The following SHQ1 variants were observed in gnomAD, a reference collection of about 807,000 sequenced individuals.
The protein encoded by SHQ1 is SHQ1, H/ACA ribonucleoprotein assembly factor.
Under a neutral mutation model 53.8 loss-of-function variants are expected in SHQ1, and 49 were observed. The ratio of observed to expected loss-of-function variants is 0.91; its 90% CI spans 0.72 to 1.16. The LOEUF is 1.16. Ranked by LOEUF, SHQ1 falls within the 50% of genes most tolerant of loss-of-function variation. SHQ1 has a pLI of 0.00. For missense variants in SHQ1, 738 were observed against 683.1 expected (o/e 1.08, Z -0.90); for synonymous variants, 243 against 251.0 (o/e 0.97, Z 0.30).
chr3:72,802,239 C>T (rs747494548), intron 9 of SHQ1, among the ~76,000 whole-genome samples: 1 of 152,212 alleles, frequency 6.6e-6, no homozygotes, highest in Admixed American at 6.5e-5. Flanking sequence ...CCTTCCTCCT[C>T]GGTGCCGTGG....
rs1203046617 is a variant in SHQ1, at chr3:72,749,471, C to T, written c.*813G>A. The T allele has an allele frequency of 9.3e-6, 2 of 215,908 alleles. No homozygotes were observed. The highest frequency in any genetic ancestry group is 1.9e-5 in the Non-Finnish European group (2 of 107,260). The allele number at this position is 215,908 out of a possible 1,614,324, so 13.4% of individuals were successfully genotyped here. A position where few individuals can be genotyped will look rare whatever the true frequency, so the allele number is the denominator to read the frequency against. ...AAATAACTATACTGAGTAAAATATG[C>T]CTGACCAAAAAAGGGATACATATTG... On this transcript the variant is annotated 3_prime_UTR_variant, in exon 11 of 11. Transcript: ENST00000325599.
At chr3:72,847,404 CG>C (rs1277187110) in intron 1 of SHQ1, among the ~76,000 whole-genome samples, 1 of 152,048 alleles carries the variant, frequency 6.6e-6, no homozygotes, top group Non-Finnish European at 1.5e-5. Flanking sequence ...TATGTAGCAG[CG>C]GGTTCTGTGG....
At chr3:72,765,530 C>CATACATATATATATATATATATAT (rs1705702242) in intron 10 of SHQ1, among the ~76,000 whole-genome samples, 1 of 83,510 alleles carries the variant, frequency 1.2e-5, no homozygotes, top group African/African-American at 6.2e-5. Flanking sequence ...ATTCACATGA[C>CATACATATATATATATATATATAT]ATATATATAT....
chr3:72,745,363 T>C (rs1026627564), downstream of SHQ1, among the ~76,000 whole-genome samples: 3 of 152,170 alleles, frequency 2.0e-5, no homozygotes, highest in African/African-American at 7.2e-5. Flanking sequence ...TGAAAGGTGA[T>C]ACCAGCTTAG....
At chr3:72,815,482 C>G in intron 7 of SHQ1, 79 bp from the exon 8 acceptor site, 1 of 1,084,914 alleles carries the variant, frequency 9.2e-7, no homozygotes, top group Non-Finnish European at 1.4e-6. Flanking sequence ...TCCATTTATT[C>G]AACCAGTGTC....
chr3:72,841,264 G>C, intron 3 of SHQ1, 65 bp from the exon 4 acceptor site: 1 of 1,306,566 alleles, frequency 7.7e-7, no homozygotes, highest in Non-Finnish European at 1.0e-6. Context: ...GGAAGAAAAA[G>C]TATAGGAAAA....
chr3:72,747,020 T>C (rs1705271105), downstream of SHQ1, among the ~76,000 whole-genome samples: 1 of 152,198 alleles, frequency 6.6e-6, no homozygotes, highest in Non-Finnish European at 1.5e-5. Flanking sequence ...TTAAGTGCCG[T>C]AGTCACCCCA....
chr3:72,764,228 G>C (rs1395419074), intron 10 of SHQ1, among the ~76,000 whole-genome samples: 1 of 152,114 alleles, frequency 6.6e-6, no homozygotes, highest in East Asian at 1.9e-4. Flanking sequence ...AAGTAGAAGA[G>C]GTGGAGTGCA....
chr3:72,764,795 T>C (rs762034984), intron 10 of SHQ1, among the ~76,000 whole-genome samples: 40 of 151,826 alleles, frequency 2.6e-4, no homozygotes, highest in Non-Finnish European at 4.7e-4. Flanking sequence ...CCCCAAAGAG[T>C]TCTGACTATG....
At chr3:72,775,415 T>C (rs186673568) in intron 10 of SHQ1, among the ~76,000 whole-genome samples, 2 of 146,666 alleles carry the variant, frequency 1.4e-5, no homozygotes, top group East Asian at 4.0e-4. Context: ...AAAATCTGAA[T>C]AAATAGTTAA....
intron 10 of SHQ1, among the ~76,000 whole-genome samples, chr3:72,762,831 C>T (rs1377542256): frequency 6.6e-6 from 1 of 151,912 alleles, no homozygotes; most frequent in Admixed American, 6.6e-5. Flanking sequence ...CGCACCACCA[C>T]GCCTGGCTAA....
intron 1 of SHQ1, among the ~76,000 whole-genome samples, chr3:72,847,946 A>G (rs897763848): frequency 6.6e-6 from 1 of 152,180 alleles, no homozygotes; most frequent in African/African-American, 2.4e-5. Flanking sequence ...ACACGGTCCA[A>G]ACGTCACTTT....
At chr3:72,756,974 C>T (rs1296781573) in intron 10 of SHQ1, among the ~76,000 whole-genome samples, 2 of 152,158 alleles carry the variant, frequency 1.3e-5, no homozygotes, top group Non-Finnish European at 2.9e-5. Flanking sequence ...AAAGCCTCCG[C>T]AGCCTTATGA....
chr3:72,795,130 G>C (rs750883229), intron 9 of SHQ1: 1 of 152,228 alleles, frequency 6.6e-6, no homozygotes, highest in Non-Finnish European at 1.5e-5. Context: ...TCTGAAAACA[G>C]AGTCCATACC....
At chr3:72,821,357 G>A (rs567925310) in intron 6 of SHQ1, among the ~76,000 whole-genome samples, 6 of 152,266 alleles carry the variant, frequency 3.9e-5, no homozygotes, top group East Asian at 3.9e-4. Flanking sequence ...TGGGAAATGC[G>A]GTGAGTTCAT....
chr3:72,830,715 CCCATAACT>C (rs1179001940), intron 5 of SHQ1, among the ~76,000 whole-genome samples: 2 of 152,072 alleles, frequency 1.3e-5, no homozygotes, highest in African/African-American at 2.4e-5. Context: ...CCTCACTTAG[CCCATAACT>C]AAATTTAAAC....
intron 10 of SHQ1, among the ~76,000 whole-genome samples, chr3:72,781,610 T>G (rs1052032300): frequency 6.6e-6 from 1 of 152,110 alleles, no homozygotes; most frequent in East Asian, 1.9e-4. Context: ...AGTCTTTAAT[T>G]GGCAGAGACT....
intron 9 of SHQ1, among the ~76,000 whole-genome samples, chr3:72,810,156 A>C (rs772541592): frequency 2.6e-5 from 4 of 151,804 alleles, no homozygotes; most frequent in Non-Finnish European, 4.4e-5. Context: ...AAAAGGAGTC[A>C]TGTGCCCCAA....
In SHQ1 at chr3:72,841,023, ATC is replaced by A; in HGVS notation, c.486+20_486+21del. 6.3e-7 allele frequency: 1 copy of A among 1,592,824 alleles called. No homozygotes were observed. Among genetic ancestry groups the A allele is most frequent in the Non-Finnish European group, 8.5e-7 (1 of 1,172,416 alleles). ...AAATGGAAAAACCCTATAGATCAAG[ATC>A]TTTCAGAAAGACAACATACCTGTAA... On this transcript the variant is annotated intron_variant, in intron 4 of 10. Transcript: ENST00000325599.
Sources: gnomAD v4.1 joint callset for allele counts (sites outside exome capture counted in the v4.1 genomes callset) on GRCh38, gnomAD v4.1.1 for gene constraint, MANE v1.5 for transcripts, NCBI Gene and HGNC (gene_info 2026-07-23, HGNC 2026-07-21) for gene names.